The following RAPGEF4 variants were observed in gnomAD, a reference collection of about 807,000 sequenced individuals.
RAPGEF4 encodes the protein RAP guanine-nucleotide-exchange factor (GEF) 4.
RAPGEF4 carries 66 observed loss-of-function variants against 147.9 expected under a neutral mutation model. The observed-to-expected ratio is 0.45, with a 90% confidence interval of 0.37 to 0.55. RAPGEF4 has a LOEUF of 0.55. RAPGEF4 is among the 20% of genes least tolerant of loss of function. The pLI, the probability that RAPGEF4 is intolerant of heterozygous loss-of-function variation, is 0.00. For synonymous variants in RAPGEF4, 419 were observed against 442.7 expected, an observed-to-expected ratio of 0.95 and a Z score of 0.67; for missense variants, 1,071 against 1,257.3, an observed-to-expected ratio of 0.85 and a Z score of 2.24.
At chr2:173,028,902 C>T (rs1696916147) in intron 25 of RAPGEF4, among the ~76,000 whole-genome samples, 1 of 152,162 alleles carries the variant, frequency 6.6e-6, no homozygotes, top group South Asian at 2.1e-4. Flanking sequence ...TGTTTACATT[C>T]GTGGAGGCAT....
chr2:173,018,758 G>A lies in RAPGEF4; in HGVS notation c.2111G>A (p.Gly704Asp). 6.2e-7 allele frequency: 1 copy of A among 1,614,114 alleles called. No homozygotes were observed. Among genetic ancestry groups the A allele is most frequent in the Non-Finnish European group, 8.5e-7 (1 of 1,180,020 alleles). The stretch of plus-strand genomic sequence containing the variant: ...ATCAGTGCAGTTGCCGACAAGCTGG[G>A]CTCCGGGGAGGGCCTGATCATAGTC... ...EVISAVADKL[G>D]SGEGLIIVKM... Residue 704 changes from glycine (G) to aspartate (D), a missense_variant, in exon 22 of 31, where the codon GGC becomes GAC. Gly to Asp is a moderately conservative substitution (Grantham distance 94, BLOSUM62 -1). Coordinates refer to ENST00000397081, the MANE Select transcript of RAPGEF4 (RefSeq NM_007023.4).
chr2:173,048,665 T>A lies in RAPGEF4; in HGVS notation c.2908+11T>A, dbSNP rs781304904. ...GGAGCCAACCCTTCAGTAAGTTAAG[T>A]GCTGCCACCTCTTACAATGTAGATG... On this transcript the variant is annotated intron_variant, in intron 30 of 30. Transcript: ENST00000397081. 2 of 1,614,176 alleles carry A rather than the reference T, an allele frequency of 1.2e-6. No homozygotes were observed. Among genetic ancestry groups the A allele is most frequent in the Admixed American group, 1.7e-5 (1 of 60,028 alleles).
At chr2:172,886,994 C>T (rs1000390119) in intron 4 of RAPGEF4, among the ~76,000 whole-genome samples, 1 of 151,732 alleles carries the variant, frequency 6.6e-6, no homozygotes, top group Non-Finnish European at 1.5e-5. Context: ...TTGACACCAA[C>T]GTGGCCAACA....
chr2:172,765,163 T>A (rs1471784152), intron 1 of RAPGEF4, among the ~76,000 whole-genome samples: 1 of 152,228 alleles, frequency 6.6e-6, no homozygotes, highest in Non-Finnish European at 1.5e-5. Context: ...AACATGGTTG[T>A]CTTGCCTCCG....
At chr2:172,850,414 A>G (rs1692677356) in intron 4 of RAPGEF4, among the ~76,000 whole-genome samples, 4 of 152,044 alleles carry the variant, frequency 2.6e-5, no homozygotes, top group Non-Finnish European at 1.5e-5. Context: ...TCAGGAGATC[A>G]AGACCACCCT....
chr2:172,916,928 A>G (rs1684134985), intron 4 of RAPGEF4, among the ~76,000 whole-genome samples: 1 of 152,184 alleles, frequency 6.6e-6, no homozygotes, highest in Non-Finnish European at 1.5e-5. Context: ...GTAATTATAA[A>G]CCATAAATAT....
At chr2:173,020,595 T>G (rs749061184) in intron 22 of RAPGEF4, 23 bp from the exon 23 acceptor site, 1 of 1,585,002 alleles carries the variant, frequency 6.3e-7, no homozygotes, top group Non-Finnish European at 8.7e-7. Context: ...TAATAGGCAA[T>G]CTCATGCTTT....
At chr2:172,855,940 TG>T (rs1384510701) in intron 4 of RAPGEF4, among the ~76,000 whole-genome samples, 1 of 152,150 alleles carries the variant, frequency 6.6e-6, no homozygotes, top group Non-Finnish European at 1.5e-5. Context: ...GTCTTTGTTT[TG>T]TTTTGTTTTT....
chr2:172,961,637 G>A (rs1381266046), intron 8 of RAPGEF4, among the ~76,000 whole-genome samples: 2 of 152,142 alleles, frequency 1.3e-5, no homozygotes, highest in African/African-American at 4.8e-5. Flanking sequence ...TAGACATGTA[G>A]ACCATTTTTC....
intron 4 of RAPGEF4, among the ~76,000 whole-genome samples, chr2:172,877,082 C>G (rs1449548687): frequency 6.6e-6 from 1 of 152,054 alleles, no homozygotes; most frequent in Non-Finnish European, 1.5e-5. Flanking sequence ...TTTTGCAGCA[C>G]TATTCACAAC....
chr2:172,874,932 C>T (rs1378059185), intron 4 of RAPGEF4, among the ~76,000 whole-genome samples: 12 of 152,208 alleles, frequency 7.9e-5, no homozygotes, highest in African/African-American at 1.4e-4. Flanking sequence ...TTTTAATGAT[C>T]GCCATTCTAA....
intron 4 of RAPGEF4, among the ~76,000 whole-genome samples, chr2:172,847,607 G>C (rs924996287): frequency 6.6e-6 from 1 of 152,206 alleles, no homozygotes; most frequent in Non-Finnish European, 1.5e-5. Flanking sequence ...AGCAGGCAAG[G>C]TGTTTCATGT....
chr2:172,849,074 C>CTTT (rs71018522), intron 4 of RAPGEF4, among the ~76,000 whole-genome samples: 1 of 134,352 alleles, frequency 7.4e-6, no homozygotes. Flanking sequence ...GGGAGCTTTT[C>CTTT]TTTTTTTTTT....
chr2:172,932,154 A>G (rs1436344909), intron 6 of RAPGEF4, among the ~76,000 whole-genome samples: 1 of 152,222 alleles, frequency 6.6e-6, no homozygotes, highest in Non-Finnish European at 1.5e-5. Context: ...ATGGCACAAG[A>G]TATTTGGATG....
At chr2:172,845,021 G>A (rs1042809377) in intron 4 of RAPGEF4, among the ~76,000 whole-genome samples, 5 of 152,156 alleles carry the variant, frequency 3.3e-5, no homozygotes, top group Non-Finnish European at 7.4e-5. Flanking sequence ...TTGGGAAGAA[G>A]GAAAGAGAAT....
chr2:173,044,240 C>T lies in RAPGEF4; in HGVS notation c.2854-4360C>T, dbSNP rs994372005. The stretch of plus-strand genomic sequence containing the variant: ...TCTAAGGTAGCTTCCCGGTCATTGC[C>T]GTGGCATTTGTAAACTGTCATGGCG... On this transcript the variant is annotated intron_variant, in intron 29 of 30. Coordinates refer to ENST00000397081, the MANE Select transcript of RAPGEF4 (RefSeq NM_007023.4). 5.4e-5 allele frequency among the ~76,000 whole-genome samples: 7 copies of T among 129,052 alleles called. No homozygotes were observed. In the South Asian group the frequency reaches 7.1e-4, roughly 13 times the overall value. The allele number at this position is 129,052 out of a possible 152,430, so 84.7% of individuals were successfully genotyped here.
At chr2:172,819,396 A>G (rs1472231173) in intron 4 of RAPGEF4, among the ~76,000 whole-genome samples, 1 of 151,070 alleles carries the variant, frequency 6.6e-6, no homozygotes, top group Non-Finnish European at 1.5e-5. Flanking sequence ...TATTGGAGAC[A>G]GTATGTTTCT....
chr2:172,886,760 A>T (rs1158849724), intron 4 of RAPGEF4, among the ~76,000 whole-genome samples: 6 of 141,138 alleles, frequency 4.3e-5, no homozygotes, highest in Non-Finnish European at 7.7e-5. Context: ...AGATTTTACT[A>T]TTTTTTTTTC....
At chr2:172,847,665 C>G (rs1017810111) in intron 4 of RAPGEF4, among the ~76,000 whole-genome samples, 2 of 152,182 alleles carry the variant, frequency 1.3e-5, no homozygotes, top group Non-Finnish European at 2.9e-5. Flanking sequence ...GTGGCCAGTA[C>G]TGGTGGCTGG....
Sources: allele counts gnomAD v4.1 joint callset (sites outside exome capture counted in the v4.1 genomes callset), GRCh38; gene constraint gnomAD v4.1.1; transcripts MANE v1.5; gene names NCBI Gene and HGNC (gene_info 2026-07-23, HGNC 2026-07-21).